Variants in MAN1A2 observed in about 807,000 individuals in gnomAD.
MAN1A2 encodes the protein mannosidase alpha class 1A member 2.
MAN1A2 carries 26 observed loss-of-function variants against 75.7 expected under a neutral mutation model. The observed-to-expected ratio is 0.34, with a 90% CI of 0.25 to 0.48. The LOEUF (loss-of-function observed/expected upper bound fraction) is 0.48. MAN1A2 is among the 20% of genes least tolerant of loss of function. The probability of loss-of-function intolerance (pLI) is 0.99; values close to 1 mark genes in which losing one functional copy is unlikely to be tolerated. For synonymous variants in MAN1A2, 247 were observed against 264.6 expected, an observed-to-expected ratio of 0.93 and a Z score of 0.65; for missense variants, 562 against 775.5, an observed-to-expected ratio of 0.72 and a Z score of 3.27.
rs1007920610 is a variant in MAN1A2, at chr1:117,374,651, A to G, written c.302+6166A>G. Among the ~76,000 whole-genome samples, 9 of 152,280 alleles carry G rather than the reference A, an allele frequency of 5.9e-5. No homozygotes were observed. In the South Asian group the frequency reaches 8.3e-4, roughly 14 times the overall value. ...AAGAGACAGGGGCTTTAGTTTCACC[A>G]TTGTCCTTGGTTGTTGAAGTATATT... On this transcript the variant is annotated intron_variant, in intron 1 of 12. Transcript: ENST00000356554.
chr1:117,421,319 T>C (rs1332746227), intron 5 of MAN1A2, among the ~76,000 whole-genome samples: 5 of 152,108 alleles, frequency 3.3e-5, no homozygotes, highest in Non-Finnish European at 7.4e-5. Flanking sequence ...TTGTAAGAGC[T>C]CTTTGTAGAT....
chr1:117,458,497 CTATATATA>C (rs1257024902), intron 6 of MAN1A2, among the ~76,000 whole-genome samples: 1 of 103,820 alleles, frequency 9.6e-6, no homozygotes, highest in Non-Finnish European at 2.1e-5. Context: ...ATATATATAT[CTATATATA>C]TATATAGATA....
intron 12 of MAN1A2, among the ~76,000 whole-genome samples, chr1:117,513,491 C>T (rs1266116581): frequency 6.6e-6 from 1 of 151,748 alleles, no homozygotes; most frequent in Non-Finnish European, 1.5e-5. Context: ...TTTTGATGGT[C>T]CGTTAATCAT....
intron 5 of MAN1A2, among the ~76,000 whole-genome samples, chr1:117,440,646 T>C (rs1347822004): frequency 3.3e-5 from 5 of 152,116 alleles, no homozygotes; most frequent in Non-Finnish European, 5.9e-5. Flanking sequence ...CTATTAATGA[T>C]ACAATATTTT....
chr1:117,489,074 A>G (rs1650799592), intron 8 of MAN1A2, among the ~76,000 whole-genome samples: 1 of 152,022 alleles, frequency 6.6e-6, no homozygotes, highest in Admixed American at 6.6e-5. Context: ...GCAGTGTTGG[A>G]TTATAGATTC....
rs1652032687 is a variant in MAN1A2 at position 117,526,840 on chromosome 1, TC to T, written c.*3885del. On this transcript the variant is annotated 3_prime_UTR_variant, in exon 13 of 13. Coordinates refer to ENST00000356554, the MANE Select transcript of MAN1A2 (RefSeq NM_006699.5). ...CTCAAATTGGCTAGGTCCTATCTTT[TC>T]CTCTCTCTCTCTCTCTCTCTCTCTC... 1.6e-5 allele frequency: 1 copy of T among 61,692 alleles called. No individual in the cohort carries two copies. Among genetic ancestry groups the T allele is most frequent in the Non-Finnish European group, 3.1e-5 (1 of 32,186 alleles). The allele number at this position is 61,692 out of a possible 1,614,324, so 3.8% of individuals were successfully genotyped here. A position where few individuals can be genotyped will look rare whatever the true frequency, so the allele number is the denominator to read the frequency against.
chr1:117,429,173 A>G (rs1648489261), intron 5 of MAN1A2, among the ~76,000 whole-genome samples: 2 of 147,582 alleles, frequency 1.4e-5, no homozygotes, highest in East Asian at 2.0e-4. Flanking sequence ...TTAGTGCAGA[A>G]CAAAATGAAA....
chr1:117,417,989 G>A (rs1035268103), intron 4 of MAN1A2, among the ~76,000 whole-genome samples: 1 of 151,820 alleles, frequency 6.6e-6, no homozygotes, highest in African/African-American at 2.4e-5. Flanking sequence ...GAGGCTACAG[G>A]GAGCCATGAT....
intron 6 of MAN1A2, among the ~76,000 whole-genome samples, chr1:117,447,595 G>T (rs1307953112): frequency 6.6e-6 from 1 of 152,002 alleles, no homozygotes; most frequent in Non-Finnish European, 1.5e-5. Flanking sequence ...GGCTCTTATC[G>T]AACCTTTTGA....
chr1:117,411,280 G>A (rs1272271084), intron 3 of MAN1A2, among the ~76,000 whole-genome samples: 1 of 151,752 alleles, frequency 6.6e-6, no homozygotes, highest in African/African-American at 2.4e-5. Context: ...AAATAGAAGT[G>A]TACATACATG....
intron 5 of MAN1A2, among the ~76,000 whole-genome samples, chr1:117,434,325 T>G (rs1384656661): frequency 2.0e-5 from 3 of 152,220 alleles, no homozygotes; most frequent in Non-Finnish European, 4.4e-5. Flanking sequence ...AATGTACCTA[T>G]GTTGTATGTA....
intron 8 of MAN1A2, among the ~76,000 whole-genome samples, chr1:117,472,256 A>C (rs1168965924): frequency 6.6e-6 from 1 of 152,178 alleles, no homozygotes; most frequent in Admixed American, 6.6e-5. Context: ...GAAAATCCTA[A>C]GTTAAATAAA....
chr1:117,512,185 C>T (rs1651556908), intron 12 of MAN1A2, among the ~76,000 whole-genome samples: 1 of 151,938 alleles, frequency 6.6e-6, no homozygotes, highest in African/African-American at 2.4e-5. Context: ...AAGAAGGGAC[C>T]CAAGGCAAAA....
intron 8 of MAN1A2, among the ~76,000 whole-genome samples, chr1:117,490,797 T>C (rs1295544971): frequency 1.3e-5 from 2 of 152,038 alleles, no homozygotes; most frequent in African/African-American, 4.8e-5. Flanking sequence ...GCTATGCCAG[T>C]GAACACATGA....
In MAN1A2 at chr1:117,523,225, C is replaced by T. The variant is rs1651918265; in HGVS notation, c.*268C>T. ...TGAGGTGGTCACATGAGAAATGATA[C>T]CTGTTACTACTGTATTGTTTTTAGA... is the stretch of plus-strand genomic sequence containing the variant. On this transcript the variant is annotated 3_prime_UTR_variant, in exon 13 of 13. Coordinates refer to ENST00000356554, the MANE Select transcript of MAN1A2 (RefSeq NM_006699.5). 1 of 572,446 alleles carries T rather than the reference C, an allele frequency of 1.7e-6. No homozygotes were observed. Among genetic ancestry groups the T allele is most frequent in the Non-Finnish European group, 3.4e-6 (1 of 292,912 alleles). 35.5% of individuals were successfully genotyped at this position (572,446 alleles called of 1,614,324 possible).
At chr1:117,422,864 C>G (rs1270422638) in intron 5 of MAN1A2, among the ~76,000 whole-genome samples, 1 of 152,034 alleles carries the variant, frequency 6.6e-6, no homozygotes, top group Non-Finnish European at 1.5e-5. Flanking sequence ...TGTGGCTTGT[C>G]TTTCCAGTGA....
rs187445169 is a variant in MAN1A2, at chr1:117,483,717, C to A, written c.1169-9430C>A. 1.4e-4 allele frequency among the ~76,000 whole-genome samples: 21 copies of A among 152,042 alleles called. No individual in the cohort carries two copies. The East Asian group carries it at 3.1e-3, about 22-fold the overall frequency. Reference sequence around the variant, plus strand: ...ATTTGACTTCCTTTCCTAATTGAATCCCCTTTATGTCTTTCTCTTGCCTGA... The same window carrying A: ...ATTTGACTTCCTTTCCTAATTGAATACCCTTTATGTCTTTCTCTTGCCTGA... On this transcript the variant is annotated intron_variant, in intron 8 of 12. Transcript: ENST00000356554.
chr1:117,483,396 G>T (rs1312767820), intron 8 of MAN1A2, among the ~76,000 whole-genome samples: 1 of 152,144 alleles, frequency 6.6e-6, no homozygotes, highest in East Asian at 1.9e-4. Flanking sequence ...CCATTTGTTT[G>T]TGTCCTCTTT....
At chr1:117,452,692 A>G (rs1649461023) in intron 6 of MAN1A2, among the ~76,000 whole-genome samples, 1 of 152,226 alleles carries the variant, frequency 6.6e-6, no homozygotes, top group African/African-American at 2.4e-5. Context: ...TAAAGTTTAA[A>G]GAAGGAAGCT....
Sources: gnomAD v4.1 joint callset for allele counts (sites outside exome capture counted in the v4.1 genomes callset) on GRCh38, gnomAD v4.1.1 for gene constraint, MANE v1.5 for transcripts, NCBI Gene and HGNC (gene_info 2026-07-23, HGNC 2026-07-21) for gene names.